Variants in CDH12 observed in about 807,000 individuals in gnomAD.
CDH12 encodes cadherin 12, also known as cadherin-12.
A neutral mutation model predicts 74.1 loss-of-function variants in CDH12; 41 were observed. That is an observed-to-expected ratio of 0.55 (90% CI 0.43 to 0.72). The LOEUF (loss-of-function observed/expected upper bound fraction) is 0.72. CDH12 is among the 30% of genes least tolerant of loss of function. CDH12 has a pLI of 0.00. For missense variants in CDH12, 945 were observed against 977.2 expected (o/e 0.97, Z 0.44); for synonymous variants, 399 against 355.0 (o/e 1.12, Z -1.39).
intron 5 of CDH12, among the ~76,000 whole-genome samples, chr5:22,015,200 G>A (rs562110064): frequency 7.9e-5 from 12 of 152,228 alleles, no homozygotes; most frequent in South Asian, 6.2e-4. Flanking sequence ...GTTCTACATC[G>A]TTGGAAAAAG....
chr5:22,764,697 A>G (rs1746408892), intron 1 of CDH12, among the ~76,000 whole-genome samples: 2 of 152,046 alleles, frequency 1.3e-5, no homozygotes, highest in Admixed American at 1.3e-4. Context: ...ACATTTCTGC[A>G]GATATGATGC....
At chr5:22,232,754 T>C (rs1384236562) in intron 3 of CDH12, among the ~76,000 whole-genome samples, 1 of 151,246 alleles carries the variant, frequency 6.6e-6, no homozygotes, top group East Asian at 1.9e-4. Context: ...TTAATAATGA[T>C]GAAATTTAAC....
At chr5:22,581,513 A>C (rs1393350631) in intron 1 of CDH12, among the ~76,000 whole-genome samples, 4 of 152,220 alleles carry the variant, frequency 2.6e-5, no homozygotes, top group Non-Finnish European at 5.9e-5. Flanking sequence ...ACTTTTCTGC[A>C]CTGGCAGGCT....
intron 3 of CDH12, among the ~76,000 whole-genome samples, chr5:22,350,232 A>G (rs1740302607): frequency 6.6e-6 from 1 of 152,336 alleles, no homozygotes; most frequent in African/African-American, 2.4e-5. Context: ...CAGGAGTTAC[A>G]ATAGAAGACT....
At chr5:22,628,007 G>A (rs988985398) in intron 1 of CDH12, among the ~76,000 whole-genome samples, 1 of 151,736 alleles carries the variant, frequency 6.6e-6, no homozygotes, top group African/African-American at 2.4e-5. Context: ...CACAAAGAAG[G>A]GTATTACATA....
chr5:22,323,704 G>A (rs924426848), intron 3 of CDH12, among the ~76,000 whole-genome samples: 7 of 152,186 alleles, frequency 4.6e-5, no homozygotes, highest in African/African-American at 1.7e-4. Context: ...ATGATTAAGA[G>A]AAGGAGACAG....
intron 1 of CDH12, among the ~76,000 whole-genome samples, chr5:22,505,732 C>T (rs892515608): frequency 6.6e-6 from 1 of 152,092 alleles, no homozygotes; most frequent in Non-Finnish European, 1.5e-5. Flanking sequence ...TTGGCCTCCT[C>T]ATGGCAGTGA....
chr5:21,871,760 C>T (rs573986727), intron 6 of CDH12, among the ~76,000 whole-genome samples: 3 of 152,098 alleles, frequency 2.0e-5, no homozygotes, highest in African/African-American at 7.2e-5. Context: ...ATGCAAATAC[C>T]TACATACTCA....
chr5:22,371,428 T>C (rs1006141731), intron 3 of CDH12, among the ~76,000 whole-genome samples: 2 of 152,128 alleles, frequency 1.3e-5, no homozygotes, highest in Non-Finnish European at 2.9e-5. Context: ...AAGAAAGAAT[T>C]CTATTTTTAA....
intron 2 of CDH12, among the ~76,000 whole-genome samples, chr5:22,441,578 A>AT (rs1744624541): frequency 6.6e-6 from 1 of 152,082 alleles, no homozygotes; most frequent in Non-Finnish European, 1.5e-5. Flanking sequence ...AAACATTTCC[A>AT]TTTTCTAAAT....
At chr5:21,871,691 C>G (rs1324747105) in intron 6 of CDH12, among the ~76,000 whole-genome samples, 1 of 152,154 alleles carries the variant, frequency 6.6e-6, no homozygotes, top group African/African-American at 2.4e-5. Context: ...TGCACCACTG[C>G]ACTCCAGCTT....
rs79913060 is a variant in CDH12 at position 21,821,828 on chromosome 5, G to C, written c.815-4696C>G. 9.6e-3 allele frequency among the ~76,000 whole-genome samples: 1,465 copies of C among 152,016 alleles called. 27 individuals are homozygous for C. Among genetic ancestry groups the C allele is most frequent in the African/African-American group, 0.034 (1,409 of 41,554 alleles). On this transcript the variant is annotated intron_variant, in intron 8 of 14. Transcript: ENST00000382254. ...AATTCAAACATTAGATTGTTCAAAT[G>C]ATCCTGCATACTTTTTGTGTGTGTG...
At position 22,025,711 on chromosome 5, in the gene CDH12, G is replaced by A. The variant is rs545892721; in HGVS notation, c.232-50326C>T. ...CCACAGTAGGACTCCTTTCAAAATT[G>A]GAGTCAATCCTCTCAAACCCTGCCT... On this transcript the variant is annotated intron_variant, in intron 5 of 14. Transcript: ENST00000382254. 2.2e-4 allele frequency among the ~76,000 whole-genome samples: 33 copies of A among 152,212 alleles called. 1 individual carries two copies. In the South Asian group the frequency reaches 5.6e-3, roughly 26 times the overall value.
rs112179529 is a variant in CDH12 at position 22,630,921 on chromosome 5, G to A, written c.-522-125557C>T. On this transcript the variant is annotated intron_variant, in intron 1 of 14. Coordinates refer to ENST00000382254, the MANE Select transcript of CDH12 (RefSeq NM_004061.5). ...AGGTATAGTGTCCAGAATCTATAAG[G>A]AACTTAAACAAATTAGCAAGCAAAA... Among the ~76,000 whole-genome samples, 855 of 152,116 alleles carry A rather than the reference G, an allele frequency of 5.6e-3. 9 individuals are homozygous for A. The highest frequency in any genetic ancestry group is 0.02 in the African/African-American group (821 of 41,514).
chr5:22,472,616 T>A (rs188269852), intron 2 of CDH12, among the ~76,000 whole-genome samples: 1 of 152,082 alleles, frequency 6.6e-6, no homozygotes, highest in Non-Finnish European at 1.5e-5. Context: ...GGCTTCTATG[T>A]TTTTTCTCTC....
At chr5:22,567,537 A>G (rs188846561) in intron 1 of CDH12, among the ~76,000 whole-genome samples, 92 of 152,282 alleles carry the variant, frequency 6.0e-4, no homozygotes, top group African/African-American at 2.1e-3. Context: ...CAGTATATCT[A>G]TTATTTCTCA....
chr5:21,953,369 C>G (rs2355274), intron 6 of CDH12, among the ~76,000 whole-genome samples: 2 of 152,192 alleles, frequency 1.3e-5, no homozygotes, highest in African/African-American at 2.4e-5. Flanking sequence ...TAAAAACAAA[C>G]TGTAACCCGG....
intron 11 of CDH12, among the ~76,000 whole-genome samples, chr5:21,777,602 A>C (rs1164699318): frequency 1.3e-5 from 2 of 151,324 alleles, no homozygotes; most frequent in Admixed American, 1.3e-4. Context: ...GGCTCACTGC[A>C]ACCTCCGCCT....
At position 21,781,283 on chromosome 5, in the gene CDH12, G is replaced by A. The variant is rs1362434608; in HGVS notation, c.1393+2075C>T. Among the ~76,000 whole-genome samples, 3 of 152,306 alleles carry A rather than the reference G, an allele frequency of 2.0e-5. No homozygotes were observed. In the East Asian group the frequency reaches 5.8e-4, roughly 29 times the overall value. ...AGCAAGGGGCCTCTAGAATTAAGAA[G>A]TTATAAGGTCTACCACTGGGTGCCC... On this transcript the variant is annotated intron_variant, in intron 11 of 14. Coordinates refer to ENST00000382254, the MANE Select transcript of CDH12 (RefSeq NM_004061.5).
Sources: allele counts gnomAD v4.1 joint callset (sites outside exome capture counted in the v4.1 genomes callset), GRCh38; gene constraint gnomAD v4.1.1; transcripts MANE v1.5; gene names NCBI Gene and HGNC (gene_info 2026-07-23, HGNC 2026-07-21).